PTPRR: variants seen among roughly 807,000 people sequenced by gnomAD.
The protein encoded by PTPRR is protein tyrosine phosphatase receptor type R.
In PTPRR, 38 loss-of-function variants were observed where a neutral mutation model predicts 77.2. The ratio of observed to expected loss-of-function variants is 0.49; its 90% CI spans 0.38 to 0.65. The LOEUF (loss-of-function observed/expected upper bound fraction) is 0.65. PTPRR is among the 30% of genes least tolerant of loss of function. The pLI is 0.00. For synonymous variants in PTPRR, 299 were observed against 283.1 expected (o/e 1.06, Z -0.57); for missense variants, 744 against 799.2 (o/e 0.93, Z 0.83).
chr12:70,736,041 T>G (rs1889850616), intron 6 of PTPRR, among the ~76,000 whole-genome samples: 1 of 152,240 alleles, frequency 6.6e-6, no homozygotes, highest in Non-Finnish European at 1.5e-5. Flanking sequence ...CACTCCATCC[T>G]TTTCTGACTT....
At chr12:70,897,739 A>C (rs1365206605) in intron 1 of PTPRR, among the ~76,000 whole-genome samples, 12 of 152,086 alleles carry the variant, frequency 7.9e-5, no homozygotes, top group Admixed American at 5.9e-4. Context: ...ACAATAGCAA[A>C]GACTTGGAAG....
chr12:70,809,608 A>C (rs1380384203), intron 2 of PTPRR, among the ~76,000 whole-genome samples: 1 of 152,138 alleles, frequency 6.6e-6, no homozygotes, highest in African/African-American at 2.4e-5. Flanking sequence ...GATACAATGT[A>C]CTTGTCCATT....
intron 2 of PTPRR, among the ~76,000 whole-genome samples, chr12:70,773,170 G>A (rs1891017881): frequency 6.6e-6 from 1 of 151,948 alleles, no homozygotes; most frequent in Non-Finnish European, 1.5e-5. Flanking sequence ...CCTTATATTG[G>A]ATTAGGAGCC....
Position 70,697,991 on chromosome 12 carries a change from T to A in PTPRR, c.1279+274A>T, listed in dbSNP as rs61932463. Among the ~76,000 whole-genome samples, 726 of 152,248 alleles carry A rather than the reference T, an allele frequency of 4.8e-3. 1 individual carries two copies. Among genetic ancestry groups the A allele is most frequent in the South Asian group, 7.9e-3 (38 of 4,830 alleles). The stretch of plus-strand genomic sequence containing the variant: ...TGTGTTTGTAATTCCAAATTTGATA[T>A]GAAGTGGGTGTTGTAAGAATTGGAA... On this transcript the variant is annotated intron_variant, in intron 8 of 13. Transcript: ENST00000283228.
At chr12:70,668,629 T>C (rs1040211613) in intron 10 of PTPRR, among the ~76,000 whole-genome samples, 2 of 152,198 alleles carry the variant, frequency 1.3e-5, no homozygotes, top group Non-Finnish European at 2.9e-5. Flanking sequence ...CAGAATAATT[T>C]ATTTTCTCCT....
chr12:70,724,800 G>GAT lies in PTPRR; in HGVS notation c.1007+21016_1007+21017dup, dbSNP rs143640896. 2.6e-4 allele frequency among the ~76,000 whole-genome samples: 39 copies of GAT among 150,708 alleles called. 1 individual carries two copies. The East Asian group carries it at 3.5e-3, about 14-fold the overall frequency. ...ATATATGTATGTGTATGTAAGTCTG[G>GAT]ATATATATATATACACACACACACA... On this transcript the variant is annotated intron_variant, in intron 6 of 13. Transcript: ENST00000283228.
chr12:70,841,486 C>T (rs1892396474), intron 2 of PTPRR, among the ~76,000 whole-genome samples: 1 of 152,008 alleles, frequency 6.6e-6, no homozygotes, highest in Non-Finnish European at 1.5e-5. Context: ...ATTTCTAGAA[C>T]TTAAGTCTCA....
chr12:70,805,061 A>T (rs1339102769), intron 2 of PTPRR, among the ~76,000 whole-genome samples: 1 of 152,152 alleles, frequency 6.6e-6, no homozygotes, highest in Non-Finnish European at 1.5e-5. Context: ...CTTTCACAGG[A>T]ATAGCCTTTT....
chr12:70,707,841 GA>G (rs1022102321), intron 6 of PTPRR, among the ~76,000 whole-genome samples: 2 of 152,008 alleles, frequency 1.3e-5, no homozygotes, highest in African/African-American at 4.8e-5. Flanking sequence ...TAGTTCAGTA[GA>G]TTTTTTCCAG....
At chr12:70,852,484 T>C (rs578106034) in intron 2 of PTPRR, among the ~76,000 whole-genome samples, 4 of 152,294 alleles carry the variant, frequency 2.6e-5, no homozygotes, top group South Asian at 4.1e-4. Context: ...GTATTACTTC[T>C]TTTTATACCC....
chr12:70,770,487 A>G (rs908790513), intron 2 of PTPRR, among the ~76,000 whole-genome samples: 1 of 152,154 alleles, frequency 6.6e-6, no homozygotes. Context: ...TTAGAATGGC[A>G]ATCATTAAAA....
chr12:70,642,100 T>C (rs777368120), intron 13 of PTPRR, among the ~76,000 whole-genome samples: 1 of 152,104 alleles, frequency 6.6e-6, no homozygotes, highest in Non-Finnish European at 1.5e-5. Flanking sequence ...CTCTTCCAGC[T>C]GCACGTTAGA....
intron 2 of PTPRR, among the ~76,000 whole-genome samples, chr12:70,880,903 T>C (rs933982989): frequency 2.4e-4 from 37 of 152,202 alleles, no homozygotes; most frequent in African/African-American, 8.9e-4. Context: ...TAGACTTGAT[T>C]TTATCAATTT....
At chr12:70,784,634 C>T (rs1337369471) in intron 2 of PTPRR, among the ~76,000 whole-genome samples, 1 of 152,200 alleles carries the variant, frequency 6.6e-6, no homozygotes, top group African/African-American at 2.4e-5. Flanking sequence ...ACCAGATGGC[C>T]GCCGCTGCCA....
At chr12:70,662,453 A>C (rs2136675631) in intron 11 of PTPRR, 42 bp downstream of exon 11, 1 of 1,192,620 alleles carries the variant, frequency 8.4e-7, no homozygotes, top group African/African-American at 1.5e-5. Flanking sequence ...TAATCCTCTA[A>C]CATCATCTAC....
At chr12:70,889,420 G>A (rs888946393) in intron 2 of PTPRR, among the ~76,000 whole-genome samples, 14 of 152,104 alleles carry the variant, frequency 9.2e-5, no homozygotes, top group Admixed American at 2.0e-4. Flanking sequence ...ACAAAGCTGA[G>A]GCATGCCATA....
Position 70,821,978 on chromosome 12 carries a change from T to C in PTPRR, c.358-57200A>G, listed in dbSNP as rs376099937. On this transcript the variant is annotated intron_variant, in intron 2 of 13. Coordinates refer to ENST00000283228, the MANE Select transcript of PTPRR (RefSeq NM_002849.4). ...CACGCCCGGCCGAAACCTATGTATTTATTAAGTGAGGGAAGTATTTGTTGA... is the reference window on the plus strand; with the variant it reads ...CACGCCCGGCCGAAACCTATGTATTCATTAAGTGAGGGAAGTATTTGTTGA... Among the ~76,000 whole-genome samples the C allele has an allele frequency of 1.6e-4, 24 of 152,346 alleles. No homozygotes were observed. The South Asian group carries it at 4.8e-3, about 30-fold the overall frequency.
intron 2 of PTPRR, among the ~76,000 whole-genome samples, chr12:70,768,658 A>G (rs1890889955): frequency 6.6e-6 from 1 of 152,242 alleles, no homozygotes; most frequent in Non-Finnish European, 1.5e-5. Flanking sequence ...AACTCATTTT[A>G]TGAGGCCAGC....
At chr12:70,892,466 G>A (rs932349981) in intron 2 of PTPRR, among the ~76,000 whole-genome samples, 1 of 152,042 alleles carries the variant, frequency 6.6e-6, no homozygotes, top group African/African-American at 2.4e-5. Context: ...TCTGCTATGA[G>A]CGGAGGATAC....
Sources: allele counts gnomAD v4.1 joint callset (sites outside exome capture counted in the v4.1 genomes callset), GRCh38; gene constraint gnomAD v4.1.1; transcripts MANE v1.5; gene names NCBI Gene and HGNC (gene_info 2026-07-23, HGNC 2026-07-21).